ATXN1: variants seen among roughly 807,000 people sequenced by gnomAD.
ATXN1 encodes ataxin 1.
Under a neutral mutation model 56.4 loss-of-function variants are expected in ATXN1, and 8 were observed. The observed-to-expected ratio is 0.14, with a 90% confidence interval of 0.08 to 0.26. The LOEUF is 0.26. Among genes scored for constraint, ATXN1 ranks in the 10% least tolerant of loss-of-function variants. The pLI is 1.00. For synonymous variants in ATXN1, 514 were observed against 494.6 expected, an observed-to-expected ratio of 1.04 and a Z score of -0.52; for missense variants, 987 against 1,106.5, an observed-to-expected ratio of 0.89 and a Z score of 1.53.
intron 4 of ATXN1, among the ~76,000 whole-genome samples, chr6:16,549,896 CAA>C (rs66603893): frequency 4.5e-5 from 3 of 66,778 alleles, no homozygotes; most frequent in African/African-American, 5.9e-5. Flanking sequence ...AACTCTGTCT[CAA>C]AAAAAAAAAA....
chr6:16,643,719 TTAAAA>T (rs1309941682), intron 3 of ATXN1, among the ~76,000 whole-genome samples: 2 of 148,864 alleles, frequency 1.3e-5, no homozygotes, highest in African/African-American at 5.0e-5. Flanking sequence ...CAAATAGGAG[TTAAAA>T]TAAAGTGAGG....
At chr6:16,674,332 C>G (rs1221607859) in intron 2 of ATXN1, among the ~76,000 whole-genome samples, 1 of 116,296 alleles carries the variant, frequency 8.6e-6, no homozygotes. Flanking sequence ...TTACAGAGAA[C>G]TTTCTTTTTT....
In ATXN1 at chr6:16,326,994, A is replaced by C; in HGVS notation, c.1317T>G (p.Ser439Arg). 6.2e-7 allele frequency: 1 copy of C among 1,614,166 alleles called. No homozygotes were observed. Among genetic ancestry groups the C allele is most frequent in the South Asian group, 1.1e-5 (1 of 91,084 alleles). ...SPHTVIQTTH[S>R]ASEPLPVGLP... Reference sequence around the variant, plus strand: ...GTCCCACCGGGAGTGGCTCTGAAGCACTGTGTGTGGTCTGAATGACCGTGT... The same window carrying C: ...GTCCCACCGGGAGTGGCTCTGAAGCCCTGTGTGTGGTCTGAATGACCGTGT... The change falls in exon 7 of 8, where the codon AGT becomes AGG. Residue 439 changes from serine to arginine, a missense_variant. Ser to Arg is a moderately radical substitution (Grantham distance 110). Coordinates refer to ENST00000436367, the MANE Select transcript of ATXN1 (RefSeq NM_001128164.2). This position sits in a 1 kb window ranked among gnomAD's most constrained non-coding sequence, Gnocchi z 6.6.
chr6:16,416,151 A>G (rs1758902236), intron 6 of ATXN1, among the ~76,000 whole-genome samples: 1 of 151,716 alleles, frequency 6.6e-6, no homozygotes, highest in Admixed American at 6.6e-5. Context: ...CAGTGTGCTG[A>G]TAACAAATGG....
At chr6:16,570,034 C>A (rs1762304297) in intron 4 of ATXN1, among the ~76,000 whole-genome samples, 1 of 152,140 alleles carries the variant, frequency 6.6e-6, no homozygotes, top group Admixed American at 6.5e-5. Context: ...GTAACACCAT[C>A]AAAAAGGAAC....
At chr6:16,599,825 T>C (rs1202609443) in intron 3 of ATXN1, among the ~76,000 whole-genome samples, 1 of 152,190 alleles carries the variant, frequency 6.6e-6, no homozygotes, top group East Asian at 1.9e-4. Context: ...CATTAACATG[T>C]CAAGACATCA....
At position 16,505,505 on chromosome 6, in the gene ATXN1, G is replaced by C. The variant is rs76280058; in HGVS notation, c.-299+17122C>G. On this transcript the variant is annotated intron_variant, in intron 5 of 7. Transcript: ENST00000436367. ...CTTTATATGGAAGGTTAAGTGCACT[G>C]GCAGCCTACTAAAATAGAAAGTTAA... Among the ~76,000 whole-genome samples, 676 of 152,244 alleles carry C rather than the reference G, an allele frequency of 4.4e-3. 14 individuals carry two copies. Among genetic ancestry groups the C allele is most frequent in the Admixed American group, 0.033 (509 of 15,282 alleles).
rs748980605 is a variant in ATXN1 at position 16,327,832 on chromosome 6, G to C, written c.479C>G (p.Ala160Gly). The C allele has an allele frequency of 1.9e-6, 3 of 1,608,820 alleles. No homozygotes were observed. Among genetic ancestry groups the C allele is most frequent in the Non-Finnish European group, 8.5e-7 (1 of 1,179,906 alleles). ...TGGAGTGGTGGCCCCTGCGGCCGAG[G>C]CCACTGCACTGGTGACGGGGTTGGC... ...PTANPVTSAVASAAGATTPSQ... is the reference protein window; with the variant it reads ...PTANPVTSAVGSAAGATTPSQ... The change falls in exon 7 of 8, where the codon GCC becomes GGC. Residue 160 changes from alanine to glycine, a missense_variant. Physicochemically the swap from Ala to Gly is moderately conservative, Grantham distance 60. This residue lies in a region of ATXN1 where 723 missense variants were observed against 791.7 expected (regional missense o/e 0.91). Transcript: ENST00000436367.
intron 6 of ATXN1, among the ~76,000 whole-genome samples, chr6:16,375,163 C>T (rs192149463): frequency 1.8e-3 from 276 of 152,256 alleles, no homozygotes; most frequent in Middle Eastern, 6.8e-3. Flanking sequence ...ACCCTATCGC[C>T]GCATCAAAAG....
intron 4 of ATXN1, among the ~76,000 whole-genome samples, chr6:16,536,987 G>C (rs1761612667): frequency 6.6e-6 from 1 of 150,916 alleles, no homozygotes; most frequent in African/African-American, 2.4e-5. Context: ...CCATAAACTT[G>C]GTTATTTACT....
intron 3 of ATXN1, among the ~76,000 whole-genome samples, chr6:16,610,117 G>A (rs767124202): frequency 1.3e-5 from 2 of 152,034 alleles, no homozygotes; most frequent in Non-Finnish European, 2.9e-5. Flanking sequence ...TCAGATAGAT[G>A]CTAATGGATA....
At chr6:16,524,699 T>C (rs971081737) in intron 4 of ATXN1, among the ~76,000 whole-genome samples, 1 of 152,222 alleles carries the variant, frequency 6.6e-6, no homozygotes, top group Non-Finnish European at 1.5e-5. Context: ...GCACACAACA[T>C]GTTCATATAT....
chr6:16,523,868 G>A (rs1041454658), intron 4 of ATXN1, among the ~76,000 whole-genome samples: 1 of 151,820 alleles, frequency 6.6e-6, no homozygotes, highest in African/African-American at 2.4e-5. Flanking sequence ...GACGGCAACA[G>A]ACTATTTAAT....
intron 3 of ATXN1, among the ~76,000 whole-genome samples, chr6:16,611,368 G>T (rs780054613): frequency 2.0e-5 from 3 of 152,038 alleles, no homozygotes; most frequent in Non-Finnish European, 4.4e-5. Context: ...ATTACAGACA[G>T]TAAATCATAT....
At chr6:16,601,148 T>C (rs912379363) in intron 3 of ATXN1, among the ~76,000 whole-genome samples, 1 of 152,224 alleles carries the variant, frequency 6.6e-6, no homozygotes, top group Non-Finnish European at 1.5e-5. Flanking sequence ...CAAGACCGGA[T>C]CTAAGTTATT....
intron 7 of ATXN1, among the ~76,000 whole-genome samples, chr6:16,324,178 G>A (rs541664161): frequency 1.2e-3 from 186 of 152,122 alleles, no homozygotes; most frequent in Non-Finnish European, 2.4e-3. Context: ...ATAGGGACTC[G>A]TGTCTGTAAT....
At chr6:16,318,956 C>T (rs1760581689) in intron 7 of ATXN1, among the ~76,000 whole-genome samples, 2 of 152,110 alleles carry the variant, frequency 1.3e-5, no homozygotes, top group South Asian at 4.1e-4. Flanking sequence ...GTGGCTCATC[C>T]CTGTAATCCC....
intron 3 of ATXN1, among the ~76,000 whole-genome samples, chr6:16,586,309 GC>G (rs1762623350): frequency 6.6e-6 from 1 of 152,174 alleles, no homozygotes; most frequent in African/African-American, 2.4e-5. Context: ...TGAATTTGAT[GC>G]TCTCTTTCTC....
chr6:16,370,518 AAGAT>A (rs1440483198), intron 6 of ATXN1, among the ~76,000 whole-genome samples: 7 of 152,222 alleles, frequency 4.6e-5, no homozygotes, highest in African/African-American at 1.7e-4. Flanking sequence ...ATGCACAACT[AAGAT>A]AGCTTTTTTC....
Sources: allele counts gnomAD v4.1 joint callset (sites outside exome capture counted in the v4.1 genomes callset), GRCh38; gene constraint gnomAD v4.1.1; regional missense constraint gnomAD v4.1.1; non-coding constraint Gnocchi (gnomAD v3.1); transcripts MANE v1.5; gene names NCBI Gene and HGNC (gene_info 2026-07-23, HGNC 2026-07-21).